ACSBG2: variants seen among roughly 807,000 people sequenced by gnomAD.
ACSBG2 encodes the protein acyl-CoA synthetase bubblegum family member 2.
ACSBG2 carries 62 observed loss-of-function variants against 74.7 expected under a neutral mutation model. The observed-to-expected ratio is 0.83, with a 90% confidence interval of 0.68 to 1.03. The LOEUF (loss-of-function observed/expected upper bound fraction) is 1.03, where lower values mean the gene tolerates loss of function less well. Ranked by LOEUF, ACSBG2 falls within the 50% of genes least tolerant of loss-of-function variation. The pLI is 0.00. For missense variants in ACSBG2, 730 were observed against 817.6 expected, an observed-to-expected ratio of 0.89 and a Z score of 1.31; for synonymous variants, 309 against 294.1, an observed-to-expected ratio of 1.05 and a Z score of -0.52.
chr19:6,179,330 T>C (rs1264143097), intron 8 of ACSBG2, among the ~76,000 whole-genome samples: 1 of 147,594 alleles, frequency 6.8e-6, no homozygotes, highest in South Asian at 2.1e-4. Context: ...GACAAGGTCG[T>C]GCTCTGTTAC....
intron 2 of ACSBG2, among the ~76,000 whole-genome samples, chr19:6,144,844 T>G (rs753831296): frequency 1.3e-5 from 2 of 151,940 alleles, no homozygotes; most frequent in African/African-American, 2.4e-5. Flanking sequence ...ACAGGTGCCC[T>G]CCAACCACGC....
intron 1 of ACSBG2, among the ~76,000 whole-genome samples, chr19:6,141,275 T>C (rs1208608316): frequency 6.6e-6 from 1 of 152,128 alleles, no homozygotes; most frequent in Non-Finnish European, 1.5e-5. Context: ...ACCCAGACTT[T>C]ATATTCTAAC....
Position 6,174,710 on chromosome 19 carries a change from G to T in ACSBG2, c.739-2519G>T, listed in dbSNP as rs2090048392. Among the ~76,000 whole-genome samples, 1 of 152,166 alleles carries T rather than the reference G, an allele frequency of 6.6e-6. No homozygotes were observed. Among genetic ancestry groups the T allele is most frequent in the African/African-American group, 2.4e-5 (1 of 41,444 alleles). ...TGCCTGTAGTCCCAGCTACTCGGGA[G>T]GCTGAAGTGAGACGATCCCTTGAGC... On this transcript the variant is annotated intron_variant, in intron 7 of 14. Coordinates refer to ENST00000588485, the MANE Select transcript of ACSBG2 (RefSeq NM_030924.5). This position sits in a 1 kb window ranked among gnomAD's most constrained non-coding sequence, Gnocchi z 4.2.
At chr19:6,173,171 G>T (rs2090007019) in intron 7 of ACSBG2, among the ~76,000 whole-genome samples, 1 of 152,164 alleles carries the variant, frequency 6.6e-6, no homozygotes, top group African/African-American at 2.4e-5. Context: ...CATGCCAAGG[G>T]TTAGATCTTC....
intron 11 of ACSBG2, among the ~76,000 whole-genome samples, 170 bp downstream of exon 11, chr19:6,185,823 C>G (rs577108797): frequency 1.6e-4 from 25 of 152,304 alleles, no homozygotes; most frequent in African/African-American, 4.8e-4. Flanking sequence ...GTCCAGCAAA[C>G]AGTTACCCCT....
intron 4 of ACSBG2, among the ~76,000 whole-genome samples, chr19:6,153,024 A>G (rs552851479): frequency 1.3e-5 from 2 of 151,934 alleles, no homozygotes; most frequent in Non-Finnish European, 2.9e-5. Context: ...CAGGCGGATC[A>G]CAAGGTCAGG....
chr19:6,187,938 G>A lies in ACSBG2; in HGVS notation c.1927+93G>A. On this transcript the variant is annotated intron_variant, in intron 13 of 14. Transcript: ENST00000588485. ...ACAGGTCCTTTTCTGAAGGTCAGAG[G>A]GTCTATGAAACCAGCCAGGGACCAG... The A allele has an allele frequency of 5.9e-6, 9 of 1,534,912 alleles. No homozygotes were observed. In the South Asian group the frequency reaches 1.2e-4, roughly 20 times the overall value.
At chr19:6,189,538 GTTTGT>G (rs2090502576) in intron 13 of ACSBG2, among the ~76,000 whole-genome samples, 1 of 150,094 alleles carries the variant, frequency 6.7e-6, no homozygotes, top group African/African-American at 2.5e-5. Context: ...TTTTTTTTTT[GTTTGT>G]TTTGAGACAG....
At chr19:6,184,877 A>T (rs2090362839) in intron 10 of ACSBG2, among the ~76,000 whole-genome samples, 1 of 145,390 alleles carries the variant, frequency 6.9e-6, no homozygotes, top group Admixed American at 6.9e-5. Context: ...AAAAAACGAA[A>T]AACAGCCTGC....
chr19:6,178,690 T>C (rs1041933001), intron 8 of ACSBG2, among the ~76,000 whole-genome samples: 3 of 152,188 alleles, frequency 2.0e-5, no homozygotes, highest in Admixed American at 6.5e-5. Flanking sequence ...GCATTATTTT[T>C]TTCCTCCATC....
At chr19:6,142,518 C>T (rs1452569343) in intron 2 of ACSBG2, among the ~76,000 whole-genome samples, 1 of 151,746 alleles carries the variant, frequency 6.6e-6, no homozygotes, top group Non-Finnish European at 1.5e-5. Flanking sequence ...TGTGGGAGGC[C>T]GAGACAGGCG....
At chr19:6,154,082 C>T (rs978365412) in intron 4 of ACSBG2, among the ~76,000 whole-genome samples, 1 of 151,920 alleles carries the variant, frequency 6.6e-6, no homozygotes, top group Non-Finnish European at 1.5e-5. Flanking sequence ...GCATATACTA[C>T]CCCTGTCTTA....
At chr19:6,169,590 T>C (rs1019120537) in intron 7 of ACSBG2, among the ~76,000 whole-genome samples, 1 of 152,196 alleles carries the variant, frequency 6.6e-6, no homozygotes, top group African/African-American at 2.4e-5. Context: ...ATATAAATTT[T>C]AGAATTGTTT....
At chr19:6,177,631 A>C (rs1321290938) in intron 8 of ACSBG2, among the ~76,000 whole-genome samples, 2 of 152,222 alleles carry the variant, frequency 1.3e-5, no homozygotes, top group African/African-American at 4.8e-5. Flanking sequence ...GCTTGAGCTC[A>C]GGAGTTGAGA....
intron 3 of ACSBG2, among the ~76,000 whole-genome samples, chr19:6,150,373 A>G (rs1400609988): frequency 6.6e-6 from 1 of 151,482 alleles, no homozygotes; most frequent in South Asian, 2.1e-4. Context: ...AGCCAGAGAC[A>G]TGAAGAGTTA....
At chr19:6,149,828 G>A (rs559331817) in intron 3 of ACSBG2, among the ~76,000 whole-genome samples, 6 of 144,214 alleles carry the variant, frequency 4.2e-5, no homozygotes, top group South Asian at 2.1e-4. Context: ...CACCCACCTC[G>A]GCCTCCCAAA....
intron 11 of ACSBG2, among the ~76,000 whole-genome samples, chr19:6,186,381 C>T (rs1265141778): frequency 6.6e-6 from 1 of 152,172 alleles, no homozygotes; most frequent in African/African-American, 2.4e-5. Context: ...AAAAATTCTT[C>T]TTTTGACTTC....
intron 2 of ACSBG2, among the ~76,000 whole-genome samples, chr19:6,145,143 A>T (rs1205944968): frequency 6.6e-6 from 1 of 152,040 alleles, no homozygotes; most frequent in Non-Finnish European, 1.5e-5. Flanking sequence ...TCATGCCTGT[A>T]ATCCCAGCAC....
At chr19:6,161,612 A>G in intron 6 of ACSBG2, 1 of 243,698 alleles carries the variant, frequency 4.1e-6, no homozygotes, top group East Asian at 9.4e-5. Flanking sequence ...ATGGGGCCTC[A>G]CAAATGTGGT....
Sources: gnomAD v4.1 joint callset for allele counts (sites outside exome capture counted in the v4.1 genomes callset) on GRCh38, gnomAD v4.1.1 for gene constraint, Gnocchi (gnomAD v3.1) non-coding constraint, MANE v1.5 for transcripts, NCBI Gene and HGNC (gene_info 2026-07-23, HGNC 2026-07-21) for gene names.